Variants in MORC3 observed in about 807,000 individuals in gnomAD.
The protein encoded by MORC3 is MORC family CW-type zinc finger 3.
Under a neutral mutation model 109.1 loss-of-function variants are expected in MORC3, and 31 were observed. The ratio of observed to expected loss-of-function variants is 0.28; its 90% CI spans 0.21 to 0.38. The LOEUF (loss-of-function observed/expected upper bound fraction) is 0.38, where lower values mean the gene tolerates loss of function less well. MORC3 is among the 10% of genes least tolerant of loss of function. The pLI is 1.00. For missense variants in MORC3, 867 were observed against 1,135.8 expected (o/e 0.76, Z 3.40); for synonymous variants, 395 against 380.7 (o/e 1.04, Z -0.44).
chr21:36,361,927 G>C, intron 12 of MORC3: 1 of 515,946 alleles, frequency 1.9e-6, no homozygotes, highest in East Asian at 3.6e-5. Flanking sequence ...TGTGATTCTG[G>C]ACTGAGTTAT....
intron 13 of MORC3, 24 bp downstream of exon 13, chr21:36,362,252 T>G: frequency 1.3e-6 from 2 of 1,595,044 alleles, no homozygotes; most frequent in Non-Finnish European, 1.7e-6. Flanking sequence ...CTTTTTTTTT[T>G]TTTTTTTTAA....
chr21:36,359,271 GA>G (rs757376312), intron 10 of MORC3, among the ~76,000 whole-genome samples: 8 of 152,052 alleles, frequency 5.3e-5, no homozygotes, highest in Non-Finnish European at 1.2e-4. Context: ...ATTGGCTTGT[GA>G]CTTTTAATCT....
Position 36,362,242 on chromosome 21 carries a change from CTTTTTTT to C in MORC3, c.1452+26_1452+32del. 1 of 1,440,824 alleles carries C rather than the reference CTTTTTTT, an allele frequency of 6.9e-7. No homozygotes were observed. The highest frequency in any genetic ancestry group is 9.3e-7 in the Non-Finnish European group (1 of 1,080,550). The allele number at this position is 1,440,824 out of a possible 1,614,324, so 89.3% of individuals were successfully genotyped here. A position where few individuals can be genotyped will look rare whatever the true frequency, so the allele number is the denominator to read the frequency against. ...ATGATCCCTCGGGTAATTAAGCCTT[CTTTTTTT>C]TTTTTTTTTTTAAATAGAGATGGGG... On this transcript the variant is annotated intron_variant, in intron 13 of 16. Coordinates refer to ENST00000400485, the MANE Select transcript of MORC3 (RefSeq NM_015358.3).
chr21:36,367,990 T>G (rs2085801310), intron 14 of MORC3, among the ~76,000 whole-genome samples: 1 of 152,234 alleles, frequency 6.6e-6, no homozygotes, highest in Non-Finnish European at 1.5e-5. Context: ...TTCATTAAGA[T>G]GCTGTTGCAG....
chr21:36,357,828 C>T (rs2085662797), intron 10 of MORC3, among the ~76,000 whole-genome samples: 3 of 150,678 alleles, frequency 2.0e-5, no homozygotes, highest in Non-Finnish European at 4.4e-5. Flanking sequence ...GCAACCTCCA[C>T]CTCCCGGGTT....
intron 4 of MORC3, among the ~76,000 whole-genome samples, chr21:36,338,445 T>C (rs1466861784): frequency 6.6e-6 from 1 of 152,102 alleles, no homozygotes; most frequent in Non-Finnish European, 1.5e-5. Flanking sequence ...TCCACCACTT[T>C]GGGAGGCCAA....
At position 36,360,090 on chromosome 21, in the gene MORC3, T is replaced by C. The variant is rs1280623189; in HGVS notation, c.1331+13T>C. On this transcript the variant is annotated intron_variant, in intron 11 of 16. Transcript: ENST00000400485. ...ACCCACAGTTCAGGTACCATAGAGT[T>C]GGTAGTACCCTTTTTGGAAAGACGG... is the stretch of plus-strand genomic sequence containing the variant. 2 of 1,614,194 alleles carry C rather than the reference T, an allele frequency of 1.2e-6. No homozygotes were observed. The highest frequency in any genetic ancestry group is 2.2e-5 in the East Asian group (1 of 44,874).
chr21:36,343,013 C>T (rs765146401), intron 6 of MORC3, among the ~76,000 whole-genome samples: 168 of 151,608 alleles, frequency 1.1e-3, no homozygotes, highest in Middle Eastern at 0.01. Context: ...GAGTGAAACT[C>T]TGTCTCAAAA....
intron 10 of MORC3, among the ~76,000 whole-genome samples, chr21:36,358,441 G>A (rs1411024629): frequency 6.6e-6 from 1 of 151,668 alleles, no homozygotes; most frequent in Non-Finnish European, 1.5e-5. Flanking sequence ...TGACATTAAG[G>A]TGAAGTTTTC....
chr21:36,368,087 A>T (rs994919426), intron 14 of MORC3, among the ~76,000 whole-genome samples: 1 of 152,188 alleles, frequency 6.6e-6, no homozygotes, highest in Non-Finnish European at 1.5e-5. Flanking sequence ...CCAAATAGCA[A>T]ACCAGTACAA....
At chr21:36,354,834 A>G (rs1304713902) in intron 9 of MORC3, among the ~76,000 whole-genome samples, 1 of 152,152 alleles carries the variant, frequency 6.6e-6, no homozygotes, top group East Asian at 1.9e-4. Flanking sequence ...ACTCATCTCC[A>G]TCAAGTAGGC....
chr21:36,351,016 AAT>A (rs1390044006), intron 9 of MORC3, among the ~76,000 whole-genome samples: 2 of 150,738 alleles, frequency 1.3e-5, no homozygotes, highest in African/African-American at 2.4e-5. Flanking sequence ...GTTACTTTGA[AAT>A]ATATATATAA....
chr21:36,360,400 C>A, intron 12 of MORC3, 142 bp downstream of exon 12: 1 of 786,536 alleles, frequency 1.3e-6, no homozygotes, highest in Non-Finnish European at 2.0e-6. Flanking sequence ...ATATCAAGGG[C>A]TTTAAAAACA....
At position 36,334,238 on chromosome 21, in the gene MORC3, G is replaced by A. The variant is rs144117305; in HGVS notation, c.112+520G>A. On this transcript the variant is annotated intron_variant, in intron 2 of 16. Transcript: ENST00000400485. ...CCATTGCATTCCAGCCTGGGCAGGC[G>A]ACAAAGCAAGAAAAAAAACAGATAC... 4.8e-4 allele frequency among the ~76,000 whole-genome samples: 73 copies of A among 151,952 alleles called. No individual in the cohort carries two copies. In the East Asian group the frequency reaches 0.014, roughly 29 times the overall value.
chr21:36,370,627 ATATATATATATATTTTTTTTTTTT>A, intron 15 of MORC3, among the ~76,000 whole-genome samples: 1 of 15,390 alleles, frequency 6.5e-5, no homozygotes, highest in African/African-American at 3.2e-4. Flanking sequence ...ATATATATAT[ATATATATATATATTTTTTTTTTTT>A]TTTTTTTTTT....
intron 3 of MORC3, 96 bp downstream of exon 3, chr21:36,337,102 T>A: frequency 7.2e-7 from 1 of 1,397,420 alleles, no homozygotes; most frequent in Non-Finnish European, 9.8e-7. Flanking sequence ...TTTTTTGAAA[T>A]GAAATGCTGT....
At chr21:36,349,081 C>T (rs758124533) in intron 8 of MORC3, among the ~76,000 whole-genome samples, 7 of 151,954 alleles carry the variant, frequency 4.6e-5, no homozygotes, top group African/African-American at 7.3e-5. Flanking sequence ...TGAGCTTGGG[C>T]GGTCTCTTGG....
intron 1 of MORC3, among the ~76,000 whole-genome samples, chr21:36,327,186 A>G (rs2085258462): frequency 1.9e-5 from 2 of 103,050 alleles, no homozygotes; most frequent in African/African-American, 4.8e-5. Context: ...TTTTTTTGAG[A>G]CAGACACTCC....
chr21:36,323,242 T>G (rs1324225775), intron 1 of MORC3, among the ~76,000 whole-genome samples: 1 of 152,200 alleles, frequency 6.6e-6, no homozygotes, highest in East Asian at 1.9e-4. Context: ...GTCTGATATG[T>G]AGCTTAGTGA....
Sources: allele counts gnomAD v4.1 joint callset (sites outside exome capture counted in the v4.1 genomes callset), GRCh38; gene constraint gnomAD v4.1.1; transcripts MANE v1.5; gene names NCBI Gene and HGNC (gene_info 2026-07-23, HGNC 2026-07-21).